The following IL1RAPL2 variants were observed in gnomAD, a reference collection of about 807,000 sequenced individuals.
IL1RAPL2 encodes the protein interleukin 1 receptor accessory protein like 2, also known as X-linked interleukin-1 receptor accessory protein-like 2.
Under a neutral mutation model 44.1 loss-of-function variants are expected in IL1RAPL2, and 3 were observed. The observed-to-expected ratio is 0.07, with a 90% confidence interval of 0.03 to 0.18. The LOEUF (loss-of-function observed/expected upper bound fraction) is 0.18. Ranked by LOEUF, IL1RAPL2 falls within the 10% of genes least tolerant of loss-of-function variation. The pLI, the probability that IL1RAPL2 is intolerant of heterozygous loss-of-function variation, is 1.00. For missense variants in IL1RAPL2, 391 were observed against 496.4 expected (o/e 0.79, Z 2.02); for synonymous variants, 181 against 178.8 (o/e 1.01, Z -0.10).
chrX:105,369,557 C>G (rs1698388785), intron 5 of IL1RAPL2, among the ~76,000 whole-genome samples: 1 of 111,598 alleles, frequency 9.0e-6, no homozygotes, highest in African/African-American at 3.3e-5. Context: ...CACATTTATT[C>G]TGCCGTAACC....
At chrX:104,739,478 G>A (rs922644747) in intron 2 of IL1RAPL2, among the ~76,000 whole-genome samples, 2 of 111,324 alleles carry the variant, frequency 1.8e-5, no homozygotes, top group African/African-American at 6.5e-5. Flanking sequence ...GTGTGGTCTG[G>A]GCATCAGGAT....
At position 105,706,956 on chromosome X, in the gene IL1RAPL2, G is replaced by C. The variant is rs183599868; in HGVS notation, c.773-10411G>C. On this transcript the variant is annotated intron_variant, in intron 6 of 10. Coordinates refer to ENST00000372582, the MANE Select transcript of IL1RAPL2 (RefSeq NM_017416.2). ...CATATAACTGCTACACTCTCCCATA[G>C]TGGATACATTGAACTCATTTCCTTC... 2.1e-3 allele frequency among the ~76,000 whole-genome samples: 235 copies of C among 111,638 alleles called. 3 individuals carry two copies. The highest frequency in any genetic ancestry group is 7.4e-3 in the African/African-American group (228 of 30,779).
intron 2 of IL1RAPL2, among the ~76,000 whole-genome samples, chrX:105,045,437 C>T (rs1411610118): frequency 8.9e-6 from 1 of 112,029 alleles, no homozygotes; most frequent in African/African-American, 3.2e-5. Flanking sequence ...AGAAAAAGAG[C>T]AGAGAGTTGG....
chrX:104,692,559 T>A (rs968931063), intron 2 of IL1RAPL2, among the ~76,000 whole-genome samples: 2 of 108,806 alleles, frequency 1.8e-5, no homozygotes, highest in Non-Finnish European at 3.8e-5. Flanking sequence ...TGTCCATGTG[T>A]TCTCAGTGTT....
chrX:104,988,001 C>G (rs1340523862), intron 2 of IL1RAPL2, among the ~76,000 whole-genome samples: 1 of 112,045 alleles, frequency 8.9e-6, no homozygotes, highest in Non-Finnish European at 1.9e-5. Context: ...TTGCCAACAT[C>G]TATGAAGCTC....
chrX:105,617,651 C>T (rs925858937), intron 6 of IL1RAPL2, among the ~76,000 whole-genome samples: 3 of 111,852 alleles, frequency 2.7e-5, no homozygotes, highest in Non-Finnish European at 5.6e-5. Flanking sequence ...TTCTGACAGG[C>T]TGACAGGCTG....
intron 5 of IL1RAPL2, among the ~76,000 whole-genome samples, chrX:105,362,057 T>A (rs2035251876): frequency 8.9e-6 from 1 of 112,040 alleles, no homozygotes; most frequent in South Asian, 3.7e-4. Flanking sequence ...ATTTGCTGAA[T>A]TCCTTTATCA....
At chrX:105,397,803 G>A (rs2035575028) in intron 5 of IL1RAPL2, among the ~76,000 whole-genome samples, 1 of 111,086 alleles carries the variant, frequency 9.0e-6, no homozygotes, top group Non-Finnish European at 1.9e-5. Flanking sequence ...CTAGTTTAGG[G>A]CTCAAAAAAT....
At chrX:105,394,507 G>A (rs1029560541) in intron 5 of IL1RAPL2, among the ~76,000 whole-genome samples, 3 of 110,737 alleles carry the variant, frequency 2.7e-5, no homozygotes, top group Non-Finnish European at 3.8e-5. Context: ...TCTTACTTGG[G>A]CCATTGTAGC....
intron 2 of IL1RAPL2, among the ~76,000 whole-genome samples, chrX:104,794,643 C>T (rs1932840731): frequency 8.9e-6 from 1 of 111,969 alleles, no homozygotes; most frequent in African/African-American, 3.2e-5. Context: ...TTCAAAAGAA[C>T]AAGCTATGTT....
intron 2 of IL1RAPL2, among the ~76,000 whole-genome samples, chrX:105,043,526 C>T (rs1490185850): frequency 9.2e-6 from 1 of 108,175 alleles, no homozygotes; most frequent in African/African-American, 3.4e-5. Flanking sequence ...TGAAATAAGT[C>T]CCTTCCGTCT....
At chrX:104,678,386 A>G (rs1308523985) in intron 2 of IL1RAPL2, among the ~76,000 whole-genome samples, 1 of 112,122 alleles carries the variant, frequency 8.9e-6, no homozygotes, top group Non-Finnish European at 1.9e-5. Context: ...ATGCAGTAGA[A>G]TGACAATATA....
intron 2 of IL1RAPL2, among the ~76,000 whole-genome samples, chrX:104,672,224 T>G (rs935864137): frequency 9.0e-6 from 1 of 111,559 alleles, no homozygotes; most frequent in African/African-American, 3.3e-5. Context: ...CATCTAGCGT[T>G]AGGTATAACT....
intron 2 of IL1RAPL2, among the ~76,000 whole-genome samples, chrX:104,670,150 G>A (rs974584283): frequency 1.4e-4 from 16 of 111,356 alleles, no homozygotes; most frequent in Non-Finnish European, 2.6e-4. Context: ...GAAGTCAGTA[G>A]TGGCTCAGTC....
intron 2 of IL1RAPL2, among the ~76,000 whole-genome samples, chrX:104,891,502 G>A (rs1298341798): frequency 9.0e-6 from 1 of 111,489 alleles, no homozygotes; most frequent in Non-Finnish European, 1.9e-5. Flanking sequence ...CCTTGAAGAG[G>A]TCCTTCACAT....
At chrX:105,358,037 T>TAAAAAAAAA (rs774626399) in intron 5 of IL1RAPL2, among the ~76,000 whole-genome samples, 1 of 40,815 alleles carries the variant, frequency 2.5e-5, no homozygotes, top group African/African-American at 7.4e-5. Context: ...ATCCTATTTC[T>TAAAAAAAAA]AAAAAAAAAA....
At chrX:104,582,865 TTTCTTTTTC>T (rs1928434680) in intron 1 of IL1RAPL2, among the ~76,000 whole-genome samples, 1 of 93,728 alleles carries the variant, frequency 1.1e-5, no homozygotes, top group Non-Finnish European at 2.1e-5. Context: ...TCTTTCTTTC[TTTCTTTTTC>T]TTTTCTTTTC....
At chrX:104,992,063 G>T (rs191430828) in intron 2 of IL1RAPL2, among the ~76,000 whole-genome samples, 1 of 111,274 alleles carries the variant, frequency 9.0e-6, no homozygotes, top group Non-Finnish European at 1.9e-5. Flanking sequence ...TCTTGAAAGA[G>T]CCATACATAG....
intron 2 of IL1RAPL2, among the ~76,000 whole-genome samples, chrX:104,873,007 A>G (rs946135748): frequency 2.7e-5 from 3 of 111,932 alleles, no homozygotes; most frequent in Non-Finnish European, 3.8e-5. Flanking sequence ...GAAATTTATA[A>G]TTGCGTATGT....
Sources: gnomAD v4.1 joint callset for allele counts (sites outside exome capture counted in the v4.1 genomes callset) on GRCh38, gnomAD v4.1.1 for gene constraint, MANE v1.5 for transcripts, NCBI Gene and HGNC (gene_info 2026-07-23, HGNC 2026-07-21) for gene names.